Variants in ITGB3BP observed in about 807,000 individuals in gnomAD.
ITGB3BP encodes centromere protein R.
Under a neutral mutation model 29.1 loss-of-function variants are expected in ITGB3BP, and 27 were observed. That is an observed-to-expected ratio of 0.93 (90% CI 0.68 to 1.28). ITGB3BP has a LOEUF of 1.28. Among genes scored for constraint, ITGB3BP ranks in the 50% most tolerant of loss-of-function variants. The pLI is 0.00. For missense variants in ITGB3BP, 192 were observed against 200.2 expected (o/e 0.96, Z 0.25); for synonymous variants, 61 against 61.4 (o/e 0.99, Z 0.03).
chr1:63,451,163 TATTCC>T (rs1159428579), intron 7 of ITGB3BP, among the ~76,000 whole-genome samples: 1 of 151,770 alleles, frequency 6.6e-6, no homozygotes, highest in Non-Finnish European at 1.5e-5. Context: ...CTATTTTAAC[TATTCC>T]AGGAAAATTT....
intron 4 of ITGB3BP, among the ~76,000 whole-genome samples, chr1:63,464,818 A>C (rs1051819998): frequency 6.6e-6 from 1 of 152,216 alleles, no homozygotes; most frequent in African/African-American, 2.4e-5. Context: ...CCCAAAATAC[A>C]TAACATGAAT....
At chr1:63,443,589 C>G (rs890712430) in intron 8 of ITGB3BP, among the ~76,000 whole-genome samples, 1 of 152,006 alleles carries the variant, frequency 6.6e-6, no homozygotes, top group Non-Finnish European at 1.5e-5. Flanking sequence ...TAGAGTGATA[C>G]CTTCTAAAGC....
intron 4 of ITGB3BP, among the ~76,000 whole-genome samples, chr1:63,471,662 T>C (rs897157181): frequency 6.6e-6 from 1 of 152,234 alleles, no homozygotes; most frequent in Non-Finnish European, 1.5e-5. Context: ...CCCATGCTGA[T>C]AACAAATAAC....
chr1:63,461,273 A>T (rs190790497), intron 4 of ITGB3BP, among the ~76,000 whole-genome samples: 2,591 of 150,858 alleles, frequency 0.017, 88 homozygotes, highest in African/African-American at 0.06. Context: ...AAAAAAAAAA[A>T]AAAAAATCTA....
upstream of ITGB3BP, among the ~76,000 whole-genome samples, chr1:63,526,170 T>G (rs1646586096): frequency 2.0e-5 from 3 of 152,338 alleles, no homozygotes; most frequent in South Asian, 6.2e-4. Context: ...TACTGAGAGA[T>G]AAGTGAACTT....
intron 2 of ITGB3BP, 65 bp from the exon 3 acceptor site, chr1:63,490,283 T>C (rs1449221680): frequency 1.6e-5 from 19 of 1,200,996 alleles, no homozygotes; most frequent in South Asian, 4.3e-5. Context: ...TGAAATTATA[T>C]ACCATTAAAA....
chr1:63,528,136 C>A (rs1238181306), upstream of ITGB3BP, among the ~76,000 whole-genome samples: 1 of 152,120 alleles, frequency 6.6e-6, no homozygotes, highest in Non-Finnish European at 1.5e-5. Context: ...ATGTTTACTG[C>A]AGCACTATTC....
chr1:63,512,210 G>A (rs566652068), intron 1 of ITGB3BP, among the ~76,000 whole-genome samples: 1 of 152,148 alleles, frequency 6.6e-6, no homozygotes, highest in African/African-American at 2.4e-5. Flanking sequence ...CATTTGACAT[G>A]CAATTTTATA....
At chr1:63,504,614 T>C (rs1221427278) in intron 2 of ITGB3BP, among the ~76,000 whole-genome samples, 3 of 152,148 alleles carry the variant, frequency 2.0e-5, no homozygotes, top group African/African-American at 7.2e-5. Flanking sequence ...ATGTTCACAG[T>C]TTTTGCCCAT....
At chr1:63,453,700 A>G in intron 7 of ITGB3BP, 1 of 365,920 alleles carries the variant, frequency 2.7e-6, no homozygotes, top group Non-Finnish European at 4.9e-6. Context: ...TAAAAAGTTC[A>G]ATCATCAGAG....
intron 1 of ITGB3BP, among the ~76,000 whole-genome samples, chr1:63,516,371 G>GT (rs1646326654): frequency 7.3e-6 from 1 of 137,912 alleles, no homozygotes. Context: ...GGAGAAGGGG[G>GT]GGGGAAGGGA....
At chr1:63,510,112 C>G (rs1005936914) in intron 1 of ITGB3BP, 5 of 632,648 alleles carry the variant, frequency 7.9e-6, no homozygotes, top group Admixed American at 4.3e-5. Flanking sequence ...ATCGCTTGAA[C>G]GCGGGAAGCA....
intron 4 of ITGB3BP, among the ~76,000 whole-genome samples, chr1:63,473,652 C>T (rs1223323254): frequency 6.8e-5 from 5 of 73,818 alleles, no homozygotes; most frequent in Admixed American, 1.3e-4. Flanking sequence ...CCAGCCGCCC[C>T]GTCCGGGAGG....
chr1:63,474,118 GCCAGCCGCC>G (rs1406083966), intron 4 of ITGB3BP, among the ~76,000 whole-genome samples: 1 of 114,488 alleles, frequency 8.7e-6, no homozygotes, highest in African/African-American at 3.1e-5. Flanking sequence ...CCTCTGCCCG[GCCAGCCGCC>G]CCGTCCGGGA....
chr1:63,490,598 C>T (rs1645625102), intron 2 of ITGB3BP, among the ~76,000 whole-genome samples: 1 of 152,134 alleles, frequency 6.6e-6, no homozygotes, highest in Admixed American at 6.6e-5. Context: ...GTGCCTATTA[C>T]TAAGCCTCAC....
In ITGB3BP at chr1:63,454,828, T is replaced by C. The variant is rs1366646080; in HGVS notation, c.333+62A>G. On this transcript the variant is annotated intron_variant, in intron 5 of 8. Coordinates refer to ENST00000271002, the MANE Select transcript of ITGB3BP (RefSeq NM_014288.5). This position sits in a 1 kb window ranked among gnomAD's most constrained non-coding sequence, Gnocchi z 4.1. The stretch of plus-strand genomic sequence containing the variant: ...CTCTTTCCTGGATTGGATTCTCCAA[T>C]CTGGGACACTTCTTTCATTTTATCC... 2.7e-6 allele frequency: 2 copies of C among 744,464 alleles called. No individual in the cohort carries two copies. Among genetic ancestry groups the C allele is most frequent in the Non-Finnish European group, 4.5e-6 (2 of 446,538 alleles). The allele number at this position is 744,464 out of a possible 1,614,324, so 46.1% of individuals were successfully genotyped here.
chr1:63,469,047 CA>C (rs67619203), intron 4 of ITGB3BP, among the ~76,000 whole-genome samples: 130,175 of 142,644 alleles, frequency 0.91, 60,144 homozygotes, highest in East Asian at 1. Flanking sequence ...GAGACTGTTT[CA>C]AAAAAAAAAA....
intron 2 of ITGB3BP, among the ~76,000 whole-genome samples, chr1:63,508,074 A>G (rs78841819): frequency 0.012 from 1,896 of 152,300 alleles, 31 homozygotes; most frequent in African/African-American, 0.043. Context: ...CGGTGTTAGT[A>G]TTATGCTGTT....
At position 63,453,951 on chromosome 1, in the gene ITGB3BP, GT is replaced by G; in HGVS notation, c.450del (p.Lys150AsnfsTer27). ...KELMTKVNKQ[K>X]LFEKSTGLPH... ...GGAAGTCCTGTACTCTTTTCAAACA[GT>G]TTTTGTTTATTCACTTTTGTCACTA... On this transcript the variant is annotated frameshift_variant, in exon 7 of 9. Coordinates refer to ENST00000271002, the MANE Select transcript of ITGB3BP (RefSeq NM_014288.5). LOFTEE classifies it high-confidence loss of function. The G allele has an allele frequency of 6.3e-7, 1 of 1,578,612 alleles. No homozygotes were observed. Among genetic ancestry groups the G allele is most frequent in the Non-Finnish European group, 8.7e-7 (1 of 1,155,468 alleles).
Sources: allele counts gnomAD v4.1 joint callset (sites outside exome capture counted in the v4.1 genomes callset), GRCh38; gene constraint gnomAD v4.1.1; non-coding constraint Gnocchi (gnomAD v3.1); transcripts MANE v1.5; gene names NCBI Gene and HGNC (gene_info 2026-07-23, HGNC 2026-07-21).